The following MEMO1 variants were observed in gnomAD, a reference collection of about 807,000 sequenced individuals.
MEMO1 encodes the protein protein MEMO1.
In MEMO1, 6 loss-of-function variants were observed where a neutral mutation model predicts 45.2. That is an observed-to-expected ratio of 0.13 (90% CI 0.07 to 0.26). The LOEUF (loss-of-function observed/expected upper bound fraction) is 0.26. Ranked by LOEUF, MEMO1 falls within the 10% of genes least tolerant of loss-of-function variation. The pLI is 1.00. For synonymous variants in MEMO1, 78 were observed against 124.3 expected, an observed-to-expected ratio of 0.63 and a Z score of 2.48; for missense variants, 184 against 370.5, an observed-to-expected ratio of 0.50 and a Z score of 4.13.
At chr2:31,956,325 T>C (rs967043831) in intron 2 of MEMO1, among the ~76,000 whole-genome samples, 20 of 151,874 alleles carry the variant, frequency 1.3e-4, no homozygotes. Flanking sequence ...GTAGCACTTC[T>C]TATGCAATTT....
intron 2 of MEMO1, among the ~76,000 whole-genome samples, chr2:32,009,692 G>A (rs888540079): frequency 6.6e-6 from 1 of 152,128 alleles, no homozygotes; most frequent in Non-Finnish European, 1.5e-5. Context: ...GGGGAGGGCA[G>A]GGAAGACGGG....
At chr2:31,939,293 A>G (rs1424798851) in intron 3 of MEMO1, among the ~76,000 whole-genome samples, 1 of 152,162 alleles carries the variant, frequency 6.6e-6, no homozygotes, top group Non-Finnish European at 1.5e-5. Flanking sequence ...TATGTTTATT[A>G]TAACATTTAT....
At chr2:31,933,348 A>AAAAATAT (rs1558514269) in intron 3 of MEMO1, among the ~76,000 whole-genome samples, 3 of 16,178 alleles carry the variant, frequency 1.9e-4, no homozygotes, top group Non-Finnish European at 2.1e-4. Flanking sequence ...AAAAAAAAAA[A>AAAAATAT]ATTTATATAT....
rs1468566168 is a variant in MEMO1 at position 32,002,184 on chromosome 2, T to TACACACACACACACACAC, written c.61+8002_61+8003insGTGTGTGTGTGTGTGTGT. 2.1e-3 allele frequency among the ~76,000 whole-genome samples: 243 copies of TACACACACACACACACAC among 116,930 alleles called. 4 individuals carry two copies. Among genetic ancestry groups the TACACACACACACACACAC allele is most frequent in the African/African-American group, 7.9e-3 (239 of 30,432 alleles). The allele number at this position is 116,930 out of a possible 152,430, so 76.7% of individuals were successfully genotyped here. ...AAAAAAAAAAATATATATATATATA[T>TACACACACACACACACAC]ATACACACACACACACACATGTATA... On this transcript the variant is annotated intron_variant, in intron 2 of 9. Coordinates refer to ENST00000404530, the MANE Select transcript of MEMO1 (RefSeq NM_001301833.4).
chr2:31,898,513 T>C (rs1036073695), intron 6 of MEMO1, among the ~76,000 whole-genome samples: 1 of 152,228 alleles, frequency 6.6e-6, no homozygotes, highest in African/African-American at 2.4e-5. Context: ...AGTTTCCATG[T>C]AGTTGTGCGG....
At chr2:31,870,887 G>T (rs540510835) in intron 8 of MEMO1, among the ~76,000 whole-genome samples, 3 of 151,894 alleles carry the variant, frequency 2.0e-5, no homozygotes, top group Non-Finnish European at 2.9e-5. Flanking sequence ...CTACAACACA[G>T]GTCTCTTATG....
intron 2 of MEMO1, among the ~76,000 whole-genome samples, chr2:31,969,501 A>T (rs1669056373): frequency 6.6e-6 from 1 of 151,814 alleles, no homozygotes; most frequent in African/African-American, 2.4e-5. Context: ...AAAAAAGTTT[A>T]AAAAAGATAT....
At chr2:31,907,786 AACACACACAC>A (rs3065385) in intron 6 of MEMO1, among the ~76,000 whole-genome samples, 4 of 145,308 alleles carry the variant, frequency 2.8e-5, no homozygotes, top group South Asian at 2.3e-4. Flanking sequence ...CCGTGTCTTA[AACACACACAC>A]ACACACACAC....
intron 8 of MEMO1, among the ~76,000 whole-genome samples, chr2:31,872,380 G>C (rs944666349): frequency 1.3e-5 from 2 of 152,106 alleles, no homozygotes; most frequent in African/African-American, 4.8e-5. Flanking sequence ...CCTGAATGAA[G>C]TCTATCTAGG....
rs191998416 is a variant in MEMO1, at chr2:31,981,148, T to G, written c.61+29039A>C. Among the ~76,000 whole-genome samples, 10 of 152,298 alleles carry G rather than the reference T, an allele frequency of 6.6e-5. No individual in the cohort carries two copies. In the East Asian group the frequency reaches 1.9e-3, roughly 29 times the overall value. On this transcript the variant is annotated intron_variant, in intron 2 of 9. Transcript: ENST00000404530. ...TTAGAAGAAAACAGACAATCCCCATTACTAAAGAAGACTGACTGACTGAAC... is the reference window on the plus strand; with the variant it reads ...TTAGAAGAAAACAGACAATCCCCATGACTAAAGAAGACTGACTGACTGAAC...
At chr2:32,010,549 C>A (rs1343670237) in intron 1 of MEMO1, 1 of 224,986 alleles carries the variant, frequency 4.4e-6, no homozygotes, top group Non-Finnish European at 9.0e-6. Context: ...CCCCGGCCCC[C>A]GGCGTCCCCG....
chr2:31,965,397 T>G (rs567404168), intron 2 of MEMO1, among the ~76,000 whole-genome samples: 1 of 151,770 alleles, frequency 6.6e-6, no homozygotes, highest in Non-Finnish European at 1.5e-5. Flanking sequence ...GAGGCAACTA[T>G]AAAGGGGTAC....
At chr2:31,999,279 C>T (rs1188600224) in intron 2 of MEMO1, among the ~76,000 whole-genome samples, 2 of 152,154 alleles carry the variant, frequency 1.3e-5, no homozygotes, top group African/African-American at 4.8e-5. Context: ...CAACTACTCT[C>T]ATCACAGCAG....
intron 8 of MEMO1, among the ~76,000 whole-genome samples, chr2:31,879,759 T>G (rs1433550402): frequency 6.6e-6 from 1 of 152,210 alleles, no homozygotes; most frequent in East Asian, 1.9e-4. Flanking sequence ...ACAGTATATT[T>G]CAAGTTGTAT....
At chr2:31,876,139 T>C (rs1257945774) in intron 8 of MEMO1, among the ~76,000 whole-genome samples, 1 of 152,220 alleles carries the variant, frequency 6.6e-6, no homozygotes, top group Non-Finnish European at 1.5e-5. Flanking sequence ...ATCAGCTCCC[T>C]GCCTCTTTTA....
intron 5 of MEMO1, among the ~76,000 whole-genome samples, chr2:31,919,299 G>A (rs1351340825): frequency 2.0e-5 from 3 of 151,744 alleles, no homozygotes; most frequent in South Asian, 2.1e-4. Flanking sequence ...CTACAGCTAC[G>A]TGCTACCATG....
chr2:31,873,017 T>C (rs956860234), intron 8 of MEMO1, among the ~76,000 whole-genome samples: 2 of 152,096 alleles, frequency 1.3e-5, no homozygotes, highest in African/African-American at 4.8e-5. Flanking sequence ...ATTAGGAAAA[T>C]TCCAAAAAGA....
At chr2:31,936,447 A>G (rs1005162904) in intron 3 of MEMO1, among the ~76,000 whole-genome samples, 4 of 152,210 alleles carry the variant, frequency 2.6e-5, no homozygotes, top group Non-Finnish European at 5.9e-5. Context: ...TTCTTTTAAC[A>G]GGGAGTGCTT....
At chr2:31,951,675 G>C (rs927430253) in intron 2 of MEMO1, among the ~76,000 whole-genome samples, 2 of 152,048 alleles carry the variant, frequency 1.3e-5, no homozygotes, top group Non-Finnish European at 1.5e-5. Flanking sequence ...TGGGATTATA[G>C]GTGCCTGCCA....
Sources: allele counts gnomAD v4.1 joint callset (sites outside exome capture counted in the v4.1 genomes callset), GRCh38; gene constraint gnomAD v4.1.1; transcripts MANE v1.5; gene names NCBI Gene and HGNC (gene_info 2026-07-23, HGNC 2026-07-21).